The following MARK3 variants were observed in gnomAD, a reference collection of about 807,000 sequenced individuals.
MARK3 encodes MAP/microtubule affinity-regulating kinase 3.
MARK3 carries 46 observed loss-of-function variants against 90.1 expected under a neutral mutation model. The ratio of observed to expected loss-of-function variants is 0.51; its 90% CI spans 0.40 to 0.65. The LOEUF is 0.65. MARK3 is among the 30% of genes least tolerant of loss of function. The pLI, the probability that MARK3 is intolerant of heterozygous loss-of-function variation, is 0.00. For missense variants in MARK3, 818 were observed against 947.2 expected, an observed-to-expected ratio of 0.86 and a Z score of 1.79; for synonymous variants, 321 against 332.6, an observed-to-expected ratio of 0.97 and a Z score of 0.38.
At chr14:103,436,889 G>A (rs909656506) in intron 3 of MARK3, among the ~76,000 whole-genome samples, 3 of 152,152 alleles carry the variant, frequency 2.0e-5, no homozygotes, top group Non-Finnish European at 4.4e-5. Flanking sequence ...TCTGGAATTC[G>A]AGACTAGCCT....
intron 3 of MARK3, among the ~76,000 whole-genome samples, chr14:103,445,064 A>G (rs1257939853): frequency 1.3e-5 from 2 of 152,142 alleles, no homozygotes; most frequent in Admixed American, 1.3e-4. Flanking sequence ...TCAGCAGCTT[A>G]TAATTTGTTG....
chr14:103,500,845 C>G (rs192345090), intron 17 of MARK3, among the ~76,000 whole-genome samples: 1 of 152,192 alleles, frequency 6.6e-6, no homozygotes, highest in South Asian at 2.1e-4. Context: ...TGGTCTCAAA[C>G]TCCTAGGCTC....
At chr14:103,389,806 C>T (rs1320726092) in intron 1 of MARK3, among the ~76,000 whole-genome samples, 2 of 150,512 alleles carry the variant, frequency 1.3e-5, no homozygotes, top group African/African-American at 2.4e-5. Context: ...TAGCCGGGTG[C>T]GGTGGCGGGC....
rs2093490258 is a variant in MARK3, at chr14:103,465,746, T to C, written c.730T>C (p.Tyr244His). The C allele has an allele frequency of 6.2e-7, 1 of 1,614,190 alleles. No homozygotes were observed. Among genetic ancestry groups the C allele is most frequent in the South Asian group, 1.1e-5 (1 of 91,078 alleles). The change falls in exon 8 of 18, where the codon TAC becomes CAC. Residue 244 changes from tyrosine to histidine, a missense_variant. Tyr to His is a moderately conservative substitution (Grantham distance 83). Transcript: ENST00000429436. ...TGTGTGGAGTCTGGGGGTCATTTTATACACACTAGTCAGTGGCTCACTTCC... is the reference window on the plus strand; with the variant it reads ...TGTGTGGAGTCTGGGGGTCATTTTACACACACTAGTCAGTGGCTCACTTCC... ...VDVWSLGVIL[Y>H]TLVSGSLPFD... is the part of the protein sequence containing the mutation.
intron 1 of MARK3, among the ~76,000 whole-genome samples, chr14:103,396,974 A>G (rs769440490): frequency 2.0e-5 from 3 of 152,218 alleles, no homozygotes; most frequent in Non-Finnish European, 4.4e-5. Flanking sequence ...AAAATAGGAT[A>G]TAAAGCCTTT....
At chr14:103,462,735 G>A (rs2093425709) in intron 7 of MARK3, among the ~76,000 whole-genome samples, 1 of 152,166 alleles carries the variant, frequency 6.6e-6, no homozygotes, top group Non-Finnish European at 1.5e-5. Flanking sequence ...CTCCAGAAAT[G>A]TATGGTCACG....
At chr14:103,481,759 T>TTC in intron 14 of MARK3, among the ~76,000 whole-genome samples, 1 of 36,738 alleles carries the variant, frequency 2.7e-5, no homozygotes, top group African/African-American at 2.2e-4. Flanking sequence ...AGGTATTTCT[T>TTC]TTTTTTTTTT....
At chr14:103,491,646 A>C in intron 14 of MARK3, 131 bp from the exon 15 acceptor site, 1 of 905,876 alleles carries the variant, frequency 1.1e-6, no homozygotes, top group Non-Finnish European at 1.7e-6. Context: ...TTTTGCTCCT[A>C]AGTCCTATAA....
At chr14:103,399,243 T>C (rs887043958) in intron 1 of MARK3, among the ~76,000 whole-genome samples, 3 of 152,248 alleles carry the variant, frequency 2.0e-5, no homozygotes, top group South Asian at 2.1e-4. Flanking sequence ...CAATTCATGC[T>C]TCTTTTATAT....
At position 103,473,809 on chromosome 14, in the gene MARK3, C is replaced by G. The variant is rs116393583; in HGVS notation, c.1265-1184C>G. Among the ~76,000 whole-genome samples the G allele has an allele frequency of 1.1e-3, 174 of 152,218 alleles. 1 individual carries two copies. Among genetic ancestry groups the G allele is most frequent in the South Asian group, 2.7e-3 (13 of 4,822 alleles). ...CAAACTCTTGAGCTGAAGCCATCCT[C>G]CCACCTCAGTCTCCCAAAGTGTTGG... On this transcript the variant is annotated intron_variant, in intron 12 of 17. Transcript: ENST00000429436.
At chr14:103,473,074 A>C (rs12434605) in intron 12 of MARK3, among the ~76,000 whole-genome samples, 1 of 152,150 alleles carries the variant, frequency 6.6e-6, no homozygotes, top group African/African-American at 2.4e-5. Context: ...ATTATACTGC[A>C]TGAAAGTACA....
chr14:103,488,652 C>G (rs532862925), intron 14 of MARK3, among the ~76,000 whole-genome samples: 4 of 152,124 alleles, frequency 2.6e-5, no homozygotes, highest in Admixed American at 6.6e-5. Context: ...CCCAGGAGTT[C>G]AAGACCAGCC....
intron 2 of MARK3, among the ~76,000 whole-genome samples, chr14:103,411,719 T>C (rs1457827585): frequency 2.0e-5 from 3 of 151,730 alleles, no homozygotes; most frequent in Non-Finnish European, 2.9e-5. Context: ...ACCTCCCGGG[T>C]TTAAGCAATT....
chr14:103,467,523 A>C (rs2093531680), intron 11 of MARK3: 2 of 170,156 alleles, frequency 1.2e-5, no homozygotes, highest in Admixed American at 6.2e-5. Context: ...AACAAACAAA[A>C]AATTAGCTGG....
chr14:103,500,893 A>T (rs1189047009), intron 17 of MARK3, among the ~76,000 whole-genome samples: 4 of 152,128 alleles, frequency 2.6e-5, no homozygotes, highest in African/African-American at 9.7e-5. Context: ...AAGTGCTGGG[A>T]TGACAGACAT....
In MARK3 at chr14:103,413,842, A is replaced by C. The variant is rs185020371; in HGVS notation, c.243+8575A>C. ...AACTGGCTTCTTCTCACTCAGCATC[A>C]TGTCTTTGAGATTGATTCAGGCTGT... is the stretch of plus-strand genomic sequence containing the variant. On this transcript the variant is annotated intron_variant, in intron 2 of 17. Transcript: ENST00000429436. 2.9e-3 allele frequency among the ~76,000 whole-genome samples: 443 copies of C among 152,160 alleles called. 3 individuals are homozygous for C. Among genetic ancestry groups the C allele is most frequent in the South Asian group, 7.5e-3 (36 of 4,826 alleles).
chr14:103,475,224 A>T lies in MARK3; in HGVS notation c.1482+14A>T. ...ACTGTCCCTAGTGTAAGTGTTGTTG[A>T]ACTATAGAGTGGTCTTAGGGTGGTA... On this transcript the variant is annotated intron_variant, in intron 13 of 17. Coordinates refer to ENST00000429436, the MANE Select transcript of MARK3 (RefSeq NM_001128918.3). 2 of 1,610,638 alleles carry T rather than the reference A, an allele frequency of 1.2e-6. No individual in the cohort carries two copies. The highest frequency in any genetic ancestry group is 1.7e-6 in the Non-Finnish European group (2 of 1,178,354).
intron 3 of MARK3, among the ~76,000 whole-genome samples, chr14:103,443,817 A>G (rs1196222704): frequency 6.6e-6 from 1 of 152,028 alleles, no homozygotes; most frequent in African/African-American, 2.4e-5. Context: ...CTTCTCATGA[A>G]CTTTGCCAGC....
chr14:103,455,212 C>G (rs541984838), intron 5 of MARK3, among the ~76,000 whole-genome samples: 2 of 152,072 alleles, frequency 1.3e-5, no homozygotes, highest in Non-Finnish European at 1.5e-5. Context: ...TAGGCTTAAT[C>G]GTTTAATTTT....
Sources: allele counts gnomAD v4.1 joint callset (sites outside exome capture counted in the v4.1 genomes callset), GRCh38; gene constraint gnomAD v4.1.1; transcripts MANE v1.5; gene names NCBI Gene and HGNC (gene_info 2026-07-23, HGNC 2026-07-21).